SYS1: variants seen among roughly 807,000 people sequenced by gnomAD.
SYS1 encodes SYS1 golgi trafficking protein, also known as protein SYS1 homolog.
SYS1 carries 8 observed loss-of-function variants against 17.8 expected under a neutral mutation model. That is an observed-to-expected ratio of 0.45 (90% CI 0.26 to 0.81). The LOEUF (loss-of-function observed/expected upper bound fraction) is 0.81, where lower values mean the gene tolerates loss of function less well. Ranked by LOEUF, SYS1 falls within the 40% of genes least tolerant of loss-of-function variation. The pLI is 0.16. For missense variants in SYS1, 161 were observed against 203.9 expected (o/e 0.79, Z 1.28); for synonymous variants, 95 against 90.9 (o/e 1.05, Z -0.26).
downstream of SYS1, among the ~76,000 whole-genome samples, chr20:45,371,260 G>T (rs1157617094): frequency 6.6e-6 from 1 of 152,166 alleles, no homozygotes; most frequent in Non-Finnish European, 1.5e-5. Flanking sequence ...GCAATAAGAT[G>T]TCACGTGTAA....
chr20:45,367,045 G>T lies in SYS1; in HGVS notation c.401G>T (p.Gly134Val). ...TGCATTGCACTCATGGCTGTCATCG[G>T]GGAGTACCTGTGCATGCGGACGGAG... ...AVCIALMAVI[G>V]EYLCMRTELK... Residue 134 changes from glycine (G) to valine (V), a missense_variant, in exon 4 of 4, where the codon GGG (glycine) becomes GTG (valine). Physicochemically the swap from Gly to Val is moderately radical, Grantham distance 109. Coordinates refer to ENST00000243918, the MANE Select transcript of SYS1 (RefSeq NM_033542.4). 1 of 1,614,166 alleles carries T rather than the reference G, an allele frequency of 6.2e-7. No homozygotes were observed. Among genetic ancestry groups the T allele is most frequent in the Non-Finnish European group, 8.5e-7 (1 of 1,180,036 alleles).
chr20:45,373,962 G>A, downstream of SYS1: 2 of 1,614,002 alleles, frequency 1.2e-6, no homozygotes, highest in Middle Eastern at 1.6e-4. Context: ...CTGATGGCGC[G>A]ATCTCCACCC....
chr20:45,376,144 C>G (rs1234811425), exon 4 of SYS1: 4 of 152,108 alleles, frequency 2.6e-5, no homozygotes, highest in Non-Finnish European at 5.9e-5. Flanking sequence ...CCTTCTAGCT[C>G]TATGTTTCCT....
At position 45,363,702 on chromosome 20, in the gene SYS1, C is replaced by G. The variant is rs769626798; in HGVS notation, c.162+9C>G. 6.4e-7 allele frequency: 1 copy of G among 1,556,640 alleles called. No homozygotes were observed. Among genetic ancestry groups the G allele is most frequent in the Admixed American group, 1.9e-5 (1 of 52,244 alleles). On this transcript the variant is annotated intron_variant, in intron 2 of 3. Transcript: ENST00000243918. ...AGATGTTCGACGCCGAGGTAGGGTC[C>G]CCGGACTGGGGCGGGTGGGGTCTCG...
intron 2 of SYS1, chr20:45,365,331 G>C: frequency 2.0e-6 from 1 of 490,450 alleles, no homozygotes; most frequent in Non-Finnish European, 3.8e-6. Flanking sequence ...CGCTGTTCTA[G>C]ACTTTACTCT....
exon 4 of SYS1, chr20:45,375,624 C>A: frequency 6.5e-7 from 1 of 1,529,006 alleles, no homozygotes; most frequent in Non-Finnish European, 8.7e-7. Flanking sequence ...TGCTATGTAG[C>A]CAGCTCAGGG....
In SYS1 at chr20:45,365,627, C is replaced by T. The variant is rs566559120; in HGVS notation, c.171C>T (p.Gly57=). Residue 57 remains glycine (G), a synonymous_variant, in exon 3 of 4, where the codon GGC becomes GGT. Transcript: ENST00000243918. ...LDQMFDAEIL[G]FSTPPGRLSM... Reference sequence around the variant, plus strand: ...TTGTGATTCCCCCTCAGATCCTGGGCTTTTCCACCCCTCCAGGCCGGCTCT... The same window carrying T: ...TTGTGATTCCCCCTCAGATCCTGGGTTTTTCCACCCCTCCAGGCCGGCTCT... 15 of 1,614,174 alleles carry T rather than the reference C, an allele frequency of 9.3e-6. No individual in the cohort carries two copies. In the African/African-American group the frequency reaches 1.5e-4, roughly 16 times the overall value.
At chr20:45,363,409 C>G in intron 1 of SYS1, 94 bp downstream of exon 1, 2 of 1,446,534 alleles carry the variant, frequency 1.4e-6, no homozygotes, top group Non-Finnish European at 9.1e-7. Flanking sequence ...GTCTGTCTGC[C>G]CCGCCTTCCC....
At chr20:45,374,034 T>G (rs1029356916), downstream of SYS1, 1 of 1,612,336 alleles carries the variant, frequency 6.2e-7, no homozygotes, top group Non-Finnish European at 8.5e-7. Flanking sequence ...ACCTCGGTGT[T>G]AGGCGCTAAG....
Position 45,364,877 on chromosome 20 carries a change from TAAAAG to T in SYS1, c.163-739_163-735del, listed in dbSNP as rs1468901323. Among the ~76,000 whole-genome samples the T allele has an allele frequency of 5.3e-5, 8 of 152,324 alleles. No individual in the cohort carries two copies. The South Asian group carries it at 1.4e-3, about 28-fold the overall frequency. ...TTATTATCCAAAAAGTGATAAGAAT[TAAAAG>T]AAGAAGAATGGCTTTGTGAGGTTTT... On this transcript the variant is annotated intron_variant, in intron 2 of 3. Transcript: ENST00000243918.
Position 45,363,271 on chromosome 20 carries a change from A to G in SYS1, c.-48A>G. ...GCGCTGTTTTGGGAGCCCGCCGGTG[A>G]GGCCGGGCCACGCTCAGACACTTCG... On this transcript the variant is annotated 5_prime_UTR_variant, in exon 1 of 4. An upstream open reading frame in the 5' UTR loses its in-frame stop. Coordinates refer to ENST00000243918, the MANE Select transcript of SYS1 (RefSeq NM_033542.4). 1 of 1,235,780 alleles carries G rather than the reference A, an allele frequency of 8.1e-7. No individual in the cohort carries two copies. Among genetic ancestry groups the G allele is most frequent in the Non-Finnish European group, 1.0e-6 (1 of 982,484 alleles). 76.6% of individuals were successfully genotyped at this position (1,235,780 alleles called of 1,614,324 possible). A position where few individuals can be genotyped will look rare whatever the true frequency, so the allele number is the denominator to read the frequency against.
downstream of SYS1, among the ~76,000 whole-genome samples, chr20:45,370,798 C>A (rs1365242245): frequency 1.3e-5 from 2 of 152,164 alleles, no homozygotes; most frequent in Non-Finnish European, 2.9e-5. Flanking sequence ...AGGTAGGGCC[C>A]TGGGGACCTA....
chr20:45,363,409 C>T (rs1381750116), intron 1 of SYS1, 94 bp downstream of exon 1: 49 of 1,446,416 alleles, frequency 3.4e-5, no homozygotes, highest in Non-Finnish European at 4.4e-5. Context: ...GTCTGTCTGC[C>T]CCGCCTTCCC....
At chr20:45,362,580 G>A (rs1988256894), upstream of SYS1, among the ~76,000 whole-genome samples, 1 of 152,058 alleles carries the variant, frequency 6.6e-6, no homozygotes, top group Non-Finnish European at 1.5e-5. Context: ...TGGTCAGGCT[G>A]GTCTCGAAAC....
intron 2 of SYS1, 72 bp downstream of exon 2, chr20:45,363,765 G>A: frequency 6.8e-7 from 1 of 1,460,226 alleles, no homozygotes; most frequent in South Asian, 1.3e-5. Flanking sequence ...TCACTACTGT[G>A]CTGTAGACGT....
chr20:45,374,077 G>A, downstream of SYS1: 1 of 1,480,004 alleles, frequency 6.8e-7, no homozygotes, highest in Non-Finnish European at 9.4e-7. Flanking sequence ...CGTTTGGGGA[G>A]CGGGCGCAGG....
chr20:45,366,724 GT>G (rs996329060), intron 3 of SYS1, 150 bp from the exon 4 acceptor site: 1 of 697,864 alleles, frequency 1.4e-6, no homozygotes, highest in Admixed American at 2.2e-5. Context: ...TACCCGCCAG[GT>G]TCTTCTAGGC....
chr20:45,364,422 G>GTTACA (rs1388614596), intron 2 of SYS1, among the ~76,000 whole-genome samples: 1 of 141,160 alleles, frequency 7.1e-6, no homozygotes, highest in Non-Finnish European at 1.5e-5. Flanking sequence ...CCTATAAGTT[G>GTTACA]TTACATCTAA....
chr20:45,376,084 C>G (rs189524978), exon 4 of SYS1: 1 of 150,212 alleles, frequency 6.7e-6, no homozygotes, highest in Admixed American at 6.7e-5. Flanking sequence ...TGTCTCCATA[C>G]AAAAAAAAAA....
Sources: allele counts gnomAD v4.1 joint callset (sites outside exome capture counted in the v4.1 genomes callset), GRCh38; gene constraint gnomAD v4.1.1; transcripts MANE v1.5; gene names NCBI Gene and HGNC (gene_info 2026-07-23, HGNC 2026-07-21).